FADS2: variants seen among roughly 807,000 people sequenced by gnomAD.
FADS2 encodes the protein acyl-CoA 6-desaturase.
Under a neutral mutation model 61.2 loss-of-function variants are expected in FADS2, and 18 were observed. The observed-to-expected ratio is 0.29, with a 90% CI of 0.20 to 0.44. FADS2 has a LOEUF of 0.44. Ranked by LOEUF, FADS2 falls within the 20% of genes least tolerant of loss-of-function variation. The pLI, the probability that FADS2 is intolerant of heterozygous loss-of-function variation, is 1.00. For missense variants in FADS2, 322 were observed against 572.7 expected (o/e 0.56, Z 4.47); for synonymous variants, 203 against 223.9 (o/e 0.91, Z 0.83).
At chr11:61,848,082 CT>C (rs775205190) in intron 4 of FADS2, 76 bp from the exon 5 acceptor site, 56 of 1,596,602 alleles carry the variant, frequency 3.5e-5, no homozygotes, top group Non-Finnish European at 4.6e-5. Flanking sequence ...GGAACTGCTC[CT>C]AAGAAGGGCC....
rs550169322 is a variant in FADS2 at position 61,846,131 on chromosome 11, C to CTTT, written c.619-2012_619-2010dup. Among the ~76,000 whole-genome samples, 12 of 130,458 alleles carry CTTT rather than the reference C, an allele frequency of 9.2e-5. No homozygotes were observed. In the East Asian group the frequency reaches 1.9e-3, roughly 20 times the overall value. The allele number at this position is 130,458 out of a possible 152,430, so 85.6% of individuals were successfully genotyped here. A position where few individuals can be genotyped will look rare whatever the true frequency, so the allele number is the denominator to read the frequency against. On this transcript the variant is annotated intron_variant, in intron 4 of 11. Coordinates refer to ENST00000278840, the MANE Select transcript of FADS2 (RefSeq NM_004265.4). ...CCTCTAAGCTTTCTTTCTTTCTTTT[C>CTTT]TTTTTTTTTTTTTTTTTTGAGACAG...
intron 5 of FADS2, among the ~76,000 whole-genome samples, chr11:61,850,950 G>A (rs149516909): frequency 7.9e-5 from 12 of 152,212 alleles, no homozygotes; most frequent in Admixed American, 1.3e-4. Context: ...ATTTCCACCC[G>A]TGAGACTATC....
At chr11:61,824,494 GAAAGAAAGGAA>G (rs1565325437), upstream of FADS2, among the ~76,000 whole-genome samples, 4 of 8,486 alleles carry the variant, frequency 4.7e-4, no homozygotes, top group Non-Finnish European at 1.7e-3. Context: ...GAGAGAGAAA[GAAAGAAAGGAA>G]AGAAAGAAAG....
At chr11:61,853,235 T>TTCTTTCTTTCTTC (rs1565334460) in intron 5 of FADS2, among the ~76,000 whole-genome samples, 14 of 45,346 alleles carry the variant, frequency 3.1e-4, no homozygotes, top group African/African-American at 1.1e-3. Flanking sequence ...TTTCTTCTCT[T>TTCTTTCTTTCTTC]TCTTTCTTTC....
intron 7 of FADS2, among the ~76,000 whole-genome samples, chr11:61,860,578 GC>G (rs746128047): frequency 1.3e-5 from 2 of 152,164 alleles, no homozygotes; most frequent in Non-Finnish European, 2.9e-5. Flanking sequence ...TGGGCTCTCT[GC>G]CCCTGAAACC....
intron 1 of FADS2, among the ~76,000 whole-genome samples, chr11:61,819,594 G>T (rs2067021667): frequency 6.6e-6 from 1 of 152,178 alleles, no homozygotes; most frequent in East Asian, 1.9e-4. Context: ...ATTCATTAAA[G>T]CAGTATCTAT....
intron 1 of FADS2, among the ~76,000 whole-genome samples, chr11:61,821,859 C>G (rs2067038504): frequency 6.6e-6 from 1 of 152,188 alleles, no homozygotes; most frequent in Non-Finnish European, 1.5e-5. Context: ...CTATTAGAGG[C>G]AGAGCGAGAG....
At chr11:61,817,115 G>C in intron 1 of FADS2, 1 of 617,670 alleles carries the variant, frequency 1.6e-6, no homozygotes, top group African/African-American at 2.0e-5. Context: ...TAGGAACAGC[G>C]GTTCTAGTGC....
intron 1 of FADS2, chr11:61,817,092 G>A: frequency 7.6e-6 from 6 of 791,576 alleles, no homozygotes; most frequent in Non-Finnish European, 1.1e-5. Flanking sequence ...TTGGCTCCCA[G>A]GGGGCGCCGC....
intron 5 of FADS2, among the ~76,000 whole-genome samples, chr11:61,852,384 C>T (rs2067314697): frequency 6.6e-6 from 1 of 152,176 alleles, no homozygotes; most frequent in Non-Finnish European, 1.5e-5. Flanking sequence ...CCTCAGCCTC[C>T]CGAGTAGCTG....
In FADS2 at chr11:61,837,821, A is replaced by T. The variant is rs1192917500; in HGVS notation, c.251A>T (p.Lys84Met). ...CACCCTGACCTGGAATTCGTGGGCA[A>T]GTTCTTGAAACCCCTGCTGATTGGT... is the stretch of plus-strand genomic sequence containing the variant. ...AFHPDLEFVGKFLKPLLIGEL... is the reference protein window; with the variant it reads ...AFHPDLEFVGMFLKPLLIGEL... The change falls in exon 2 of 12, where the codon AAG becomes ATG. Residue 84 changes from lysine to methionine, a missense_variant. Around this residue, in one of 3 missense-constraint regions of FADS2, gnomAD observed 40 missense variants for 37.3 expected, o/e 1.07. Transcript: ENST00000278840. 6.2e-7 allele frequency: 1 copy of T among 1,613,854 alleles called. No homozygotes were observed. The highest frequency in any genetic ancestry group is 8.5e-7 in the Non-Finnish European group (1 of 1,179,900).
At chr11:61,843,168 G>T (rs552373873) in intron 4 of FADS2, among the ~76,000 whole-genome samples, 4 of 152,368 alleles carry the variant, frequency 2.6e-5, no homozygotes, top group Admixed American at 2.6e-4. Flanking sequence ...AGTGGCTCAC[G>T]CCTATAACCT....
chr11:61,816,949 G>C lies in FADS2; in HGVS notation c.141+523G>C. On this transcript the variant is annotated intron_variant, in intron 1 of 11. Transcript: ENST00000257261. This position sits in a 1 kb window ranked among gnomAD's most constrained non-coding sequence, Gnocchi z 7.0. ...TCCCATTGGCCGAGCCTCGTGGCGC[G>C]GGGAGCGAGATCCCGTCCCCCGGTG... is the stretch of plus-strand genomic sequence containing the variant. The C allele has an allele frequency of 1.5e-6, 2 of 1,375,302 alleles. No individual in the cohort carries two copies. Among genetic ancestry groups the C allele is most frequent in the East Asian group, 3.1e-5 (1 of 32,786 alleles). The allele number at this position is 1,375,302 out of a possible 1,614,324, so 85.2% of individuals were successfully genotyped here. A position where few individuals can be genotyped will look rare whatever the true frequency, so the allele number is the denominator to read the frequency against.
intron 5 of FADS2, 73 bp downstream of exon 5, chr11:61,848,357 TAAG>T: frequency 6.3e-7 from 1 of 1,598,204 alleles, no homozygotes; most frequent in Admixed American, 1.7e-5. Context: ...GAGGTACAAC[TAAG>T]GAGATGGTGT....
intron 7 of FADS2, 47 bp from the exon 8 acceptor site, chr11:61,862,925 G>A: frequency 1.3e-6 from 2 of 1,498,586 alleles, no homozygotes; most frequent in Non-Finnish European, 1.9e-6. Flanking sequence ...CTTGGTGCCA[G>A]GGCAGAGGAG....
At chr11:61,833,318 C>G (rs1219446671) in intron 1 of FADS2, among the ~76,000 whole-genome samples, 1 of 152,214 alleles carries the variant, frequency 6.6e-6, no homozygotes, top group Non-Finnish European at 1.5e-5. Context: ...TGGGTTGGCC[C>G]TCCCTTGCCT....
chr11:61,831,604 C>T (rs370397097), intron 1 of FADS2, among the ~76,000 whole-genome samples: 11 of 152,286 alleles, frequency 7.2e-5, no homozygotes, highest in Middle Eastern at 3.4e-3. Context: ...AGAAGCTAAA[C>T]CCTGACCTTG....
intron 1 of FADS2, chr11:61,817,183 G>T (rs2066995077): frequency 6.0e-6 from 2 of 333,994 alleles, no homozygotes; most frequent in Non-Finnish European, 1.1e-5. Context: ...CCAGGGCTGC[G>T]GGGTGGCCGC....
intron 2 of FADS2, 107 bp downstream of exon 2, chr11:61,837,995 G>A: frequency 1.3e-6 from 1 of 792,178 alleles, no homozygotes; most frequent in Non-Finnish European, 2.1e-6. Context: ...GGCTGAGGCA[G>A]GGGTGCTTTT....
Sources: allele counts gnomAD v4.1 joint callset (sites outside exome capture counted in the v4.1 genomes callset), GRCh38; gene constraint gnomAD v4.1.1; regional missense constraint gnomAD v4.1.1; non-coding constraint Gnocchi (gnomAD v3.1); transcripts MANE v1.5; gene names NCBI Gene and HGNC (gene_info 2026-07-23, HGNC 2026-07-21).